Variants in MOXD1 observed in about 807,000 individuals in gnomAD.
MOXD1 encodes DBH-like monooxygenase protein 1.
MOXD1 carries 62 observed loss-of-function variants against 66.6 expected under a neutral mutation model. The observed-to-expected ratio is 0.93, with a 90% CI of 0.76 to 1.15. The LOEUF (loss-of-function observed/expected upper bound fraction) is 1.15, where lower values mean the gene tolerates loss of function less well. Ranked by LOEUF, MOXD1 falls within the 50% of genes most tolerant of loss-of-function variation. The pLI is 0.00. For synonymous variants in MOXD1, 303 were observed against 281.9 expected, an observed-to-expected ratio of 1.07 and a Z score of -0.75; for missense variants, 847 against 754.6, an observed-to-expected ratio of 1.12 and a Z score of -1.44.
Position 132,328,494 on chromosome 6 carries a change from T to C in MOXD1, c.764A>G (p.His255Arg), listed in dbSNP as rs751209216. 1.9e-6 allele frequency: 3 copies of C among 1,614,038 alleles called. No homozygotes were observed. Among genetic ancestry groups the C allele is most frequent in the African/African-American group, 2.7e-5 (2 of 74,902 alleles). Reference protein sequence around the residue: ...NFNDSVLESGHECYHPNMPDA... With the variant: ...NFNDSVLESGRECYHPNMPDA... ...GGGCATGTTGGGGTGATAGCACTCG[T>C]GGCCGGACTCCAGAACGCTGTCGTT... is the stretch of plus-strand genomic sequence containing the variant. The change falls in exon 5 of 12, where the codon CAC becomes CGC. Residue 255 changes from histidine (H) to arginine (R), a missense_variant. Transcript: ENST00000367963.
intron 1 of MOXD1, among the ~76,000 whole-genome samples, chr6:132,399,977 T>C (rs1776984530): frequency 6.6e-6 from 1 of 152,196 alleles, no homozygotes. Context: ...CTTTATTTTA[T>C]TGGAGTTGTA....
At chr6:132,315,585 A>G in intron 10 of MOXD1, 50 bp downstream of exon 10, 1 of 1,550,574 alleles carries the variant, frequency 6.4e-7, no homozygotes, top group Non-Finnish European at 8.8e-7. Flanking sequence ...AATAAAGCCC[A>G]TCTTTCTCTG....
rs568106610 is a variant in MOXD1 at position 132,329,455 on chromosome 6, A to AT, written c.664-862dup. ...ATACATGTGCATGTGTCTTTATAGC[A>AT]TTTTTTTTTCACATAGAAAAAAAGA... On this transcript the variant is annotated intron_variant, in intron 4 of 11. Coordinates refer to ENST00000367963, the MANE Select transcript of MOXD1 (RefSeq NM_015529.4). Among the ~76,000 whole-genome samples the AT allele has an allele frequency of 2.7e-4, 40 of 150,562 alleles. 1 individual carries two copies. The highest frequency in any genetic ancestry group is 2.3e-3 in the East Asian group (12 of 5,144).
chr6:132,378,405 G>A (rs1582603946), intron 1 of MOXD1, among the ~76,000 whole-genome samples: 1 of 152,126 alleles, frequency 6.6e-6, no homozygotes, highest in East Asian at 1.9e-4. Context: ...TCAGTTTATT[G>A]AGAGAATTTC....
chr6:132,368,124 C>G (rs1776183173), intron 4 of MOXD1, among the ~76,000 whole-genome samples: 1 of 152,014 alleles, frequency 6.6e-6, no homozygotes, highest in African/African-American at 2.4e-5. Flanking sequence ...TCAAAAAAAG[C>G]AGCGTGTTAA....
chr6:132,363,004 CTG>C (rs780187936), intron 4 of MOXD1, among the ~76,000 whole-genome samples: 5 of 152,180 alleles, frequency 3.3e-5, no homozygotes, highest in Non-Finnish European at 5.9e-5. Context: ...CACCCAGTCT[CTG>C]TGTACTCATA....
chr6:132,370,165 G>A (rs1426992015), intron 4 of MOXD1, among the ~76,000 whole-genome samples: 1 of 152,064 alleles, frequency 6.6e-6, no homozygotes, highest in Non-Finnish European at 1.5e-5. Context: ...GAAAAATAAG[G>A]AGAAGCTCTT....
chr6:132,320,419 A>G (rs1447851854), intron 9 of MOXD1, among the ~76,000 whole-genome samples: 1 of 152,220 alleles, frequency 6.6e-6, no homozygotes, highest in African/African-American at 2.4e-5. Context: ...TTACACTCCA[A>G]GTATTATTTA....
At chr6:132,400,172 G>A (rs1054825284) in intron 1 of MOXD1, among the ~76,000 whole-genome samples, 17 of 152,124 alleles carry the variant, frequency 1.1e-4, no homozygotes, top group Admixed American at 3.3e-4. Flanking sequence ...ACTAAGAAGC[G>A]CACTCTAAAT....
At chr6:132,373,565 T>C (rs1776313107) in intron 2 of MOXD1, among the ~76,000 whole-genome samples, 1 of 152,238 alleles carries the variant, frequency 6.6e-6, no homozygotes, top group Non-Finnish European at 1.5e-5. Flanking sequence ...ACAGTTAATC[T>C]ACAGTCATTT....
At chr6:132,382,715 T>C (rs146613949) in intron 1 of MOXD1, among the ~76,000 whole-genome samples, 2,530 of 152,196 alleles carry the variant, frequency 0.017, 37 homozygotes, top group Non-Finnish European at 0.026. Context: ...ATACTTGAGG[T>C]TTCAAAATGC....
rs1195405605 is a variant in MOXD1 at position 132,322,564 on chromosome 6, A to G, written c.1305+115T>C. 1.1e-5 allele frequency: 11 copies of G among 1,013,228 alleles called. No individual in the cohort carries two copies. The East Asian group carries it at 2.9e-4, about 27-fold the overall frequency. The allele number at this position is 1,013,228 out of a possible 1,614,324, so 62.8% of individuals were successfully genotyped here. A position where few individuals can be genotyped will look rare whatever the true frequency, so the allele number is the denominator to read the frequency against. On this transcript the variant is annotated intron_variant, in intron 8 of 11. Coordinates refer to ENST00000367963, the MANE Select transcript of MOXD1 (RefSeq NM_015529.4). ...TACAACACCCACAGTGGGTGGTGTT[A>G]AGAATACAGATGCAAGGAAAAATTC... is the stretch of plus-strand genomic sequence containing the variant.
At chr6:132,339,769 T>C (rs1195559483) in intron 4 of MOXD1, among the ~76,000 whole-genome samples, 2 of 152,050 alleles carry the variant, frequency 1.3e-5, no homozygotes, top group Admixed American at 6.5e-5. Flanking sequence ...CTGTGCTACA[T>C]CAGAAGTCTG....
intron 1 of MOXD1, among the ~76,000 whole-genome samples, chr6:132,383,772 A>T (rs553592541): frequency 3.3e-5 from 5 of 152,286 alleles, no homozygotes; most frequent in South Asian, 2.1e-4. Context: ...CTTAATTTTT[A>T]AAAAATTTGG....
rs976305972 is a variant in MOXD1, at chr6:132,343,386, C to T, written c.664-14792G>A. Among the ~76,000 whole-genome samples the T allele has an allele frequency of 2.0e-5, 3 of 152,098 alleles. 1 individual carries two copies. Among genetic ancestry groups the T allele is most frequent in the Non-Finnish European group, 4.4e-5 (3 of 68,012 alleles). On this transcript the variant is annotated intron_variant, in intron 4 of 11. Transcript: ENST00000367963. ...GGTTGGGAGTTCAAGACCAGCCTGG[C>T]TAACATGGTGAAACCCCGTTTCTAC...
chr6:132,309,004 T>G (rs767436942), intron 10 of MOXD1, among the ~76,000 whole-genome samples: 1 of 152,178 alleles, frequency 6.6e-6, no homozygotes, highest in African/African-American at 2.4e-5. Flanking sequence ...AACATAGTAT[T>G]GGATATTTTG....
chr6:132,377,508 A>G (rs1342123946), intron 1 of MOXD1, among the ~76,000 whole-genome samples: 1 of 152,126 alleles, frequency 6.6e-6, no homozygotes, highest in Non-Finnish European at 1.5e-5. Context: ...CACTCATTCT[A>G]TTTCCACTCA....
chr6:132,312,266 A>G (rs1774846382), intron 10 of MOXD1, among the ~76,000 whole-genome samples: 1 of 152,106 alleles, frequency 6.6e-6, no homozygotes, highest in East Asian at 1.9e-4. Context: ...TTAAAATAAA[A>G]TATAGAACCT....
chr6:132,297,648 T>C lies in MOXD1; in HGVS notation c.1677+139A>G, dbSNP rs1046162155. ...AGGAGTTTTCAGTCAATCCAAGTAA[T>C]CATTGAACAAAAATTATCAGACATT... On this transcript the variant is annotated intron_variant, in intron 11 of 11. Coordinates refer to ENST00000367963, the MANE Select transcript of MOXD1 (RefSeq NM_015529.4). The C allele has an allele frequency of 2.6e-5, 27 of 1,033,086 alleles. No homozygotes were observed. In the African/African-American group the frequency reaches 3.6e-4, roughly 14 times the overall value. 64.0% of individuals were successfully genotyped at this position (1,033,086 alleles called of 1,614,324 possible). A position where few individuals can be genotyped will look rare whatever the true frequency, so the allele number is the denominator to read the frequency against.
Sources: gnomAD v4.1 joint callset for allele counts (sites outside exome capture counted in the v4.1 genomes callset) on GRCh38, gnomAD v4.1.1 for gene constraint, MANE v1.5 for transcripts, NCBI Gene and HGNC (gene_info 2026-07-23, HGNC 2026-07-21) for gene names.